The following WDR7 variants were observed in gnomAD, a reference collection of about 807,000 sequenced individuals.
The protein encoded by WDR7 is WD repeat-containing protein 7.
Under a neutral mutation model 169.4 loss-of-function variants are expected in WDR7, and 46 were observed. The ratio of observed to expected loss-of-function variants is 0.27; its 90% CI spans 0.21 to 0.35. The LOEUF (loss-of-function observed/expected upper bound fraction) is 0.35. Ranked by LOEUF, WDR7 falls within the 10% of genes least tolerant of loss-of-function variation. WDR7 has a pLI of 1.00. For missense variants in WDR7, 1,534 were observed against 1,859.3 expected (o/e 0.83, Z 3.22); for synonymous variants, 612 against 666.8 (o/e 0.92, Z 1.27).
At chr18:56,929,712 G>A (rs1015782492) in intron 22 of WDR7, among the ~76,000 whole-genome samples, 1 of 152,204 alleles carries the variant, frequency 6.6e-6, no homozygotes, top group African/African-American at 2.4e-5. Context: ...AATGGGGATG[G>A]ACTGTTCATT....
At chr18:56,813,670 G>A (rs2044914724) in intron 19 of WDR7, among the ~76,000 whole-genome samples, 1 of 151,674 alleles carries the variant, frequency 6.6e-6, no homozygotes, top group African/African-American at 2.4e-5. Context: ...TATCCTATTT[G>A]CTTTTATTTT....
At chr18:56,673,742 G>C (rs1171613024) in intron 2 of WDR7, among the ~76,000 whole-genome samples, 6 of 151,606 alleles carry the variant, frequency 4.0e-5, no homozygotes, top group African/African-American at 1.5e-4. Context: ...GGCTGAGGTG[G>C]AAAAAATCAC....
intron 13 of WDR7, among the ~76,000 whole-genome samples, chr18:56,726,637 C>G (rs545654744): frequency 6.6e-6 from 1 of 151,992 alleles, no homozygotes; most frequent in African/African-American, 2.4e-5. Context: ...AATTGAATAC[C>G]CTTTATTTCT....
intron 26 of WDR7, among the ~76,000 whole-genome samples, chr18:56,973,703 C>T (rs73444876): frequency 0.087 from 13,246 of 152,152 alleles, 1,840 homozygotes; most frequent in African/African-American, 0.3. Context: ...GTAATGAGGA[C>T]ATGACTCTGT....
intron 25 of WDR7, among the ~76,000 whole-genome samples, chr18:56,958,926 T>C (rs2047295535): frequency 6.6e-6 from 1 of 152,150 alleles, no homozygotes; most frequent in African/African-American, 2.4e-5. Flanking sequence ...TATTTATGTA[T>C]TCATGCAAAA....
In WDR7 at chr18:56,935,920, T is replaced by C. The variant is rs201068047; in HGVS notation, c.3831+15T>C. 3.6e-5 allele frequency: 58 copies of C among 1,599,976 alleles called. No homozygotes were observed. The East Asian group carries it at 1.2e-3, about 34-fold the overall frequency. On this transcript the variant is annotated intron_variant, in intron 23 of 27. Transcript: ENST00000254442. ...TAGCCAAAGAGGTGAGCGGAACTTC[T>C]CAGTGTGCTCCATCTTCTCATTTAG...
intron 7 of WDR7, among the ~76,000 whole-genome samples, chr18:56,690,536 C>T (rs964409802): frequency 5.9e-5 from 9 of 152,102 alleles, no homozygotes; most frequent in Admixed American, 3.3e-4. Context: ...GCTACTGGGC[C>T]AGGCAAGGTG....
intron 20 of WDR7, among the ~76,000 whole-genome samples, chr18:56,857,153 T>G (rs2045733227): frequency 6.6e-6 from 1 of 152,236 alleles, no homozygotes; most frequent in Non-Finnish European, 1.5e-5. Flanking sequence ...TTTCTGTGTT[T>G]TTTATACTAG....
chr18:56,830,882 T>A (rs2045296454), intron 20 of WDR7, among the ~76,000 whole-genome samples: 1 of 152,210 alleles, frequency 6.6e-6, no homozygotes. Flanking sequence ...AATTTTTATA[T>A]TTTTAGTAGA....
At chr18:57,017,046 A>G (rs1329984393) in intron 26 of WDR7, among the ~76,000 whole-genome samples, 2 of 152,194 alleles carry the variant, frequency 1.3e-5, no homozygotes, top group East Asian at 3.8e-4. Flanking sequence ...AAACCATCCA[A>G]TCCGCTCCAT....
chr18:56,723,567 T>C (rs909648843), intron 13 of WDR7, among the ~76,000 whole-genome samples: 3 of 152,156 alleles, frequency 2.0e-5, no homozygotes, highest in African/African-American at 7.2e-5. Context: ...CAGCAAGAAA[T>C]CTGTCAACCT....
intron 14 of WDR7, among the ~76,000 whole-genome samples, chr18:56,739,353 C>T (rs2043577320): frequency 6.6e-6 from 1 of 152,034 alleles, no homozygotes; most frequent in African/African-American, 2.4e-5. Flanking sequence ...CAAATTATTC[C>T]TATTAGAATT....
chr18:56,844,629 C>T (rs1255204205), intron 20 of WDR7, among the ~76,000 whole-genome samples: 1 of 152,200 alleles, frequency 6.6e-6, no homozygotes, highest in Non-Finnish European at 1.5e-5. Context: ...AGCTACCGCT[C>T]TGCAGCCATA....
chr18:56,938,805 A>ATG (rs1205661909), intron 24 of WDR7, 123 bp downstream of exon 24: 3 of 594,770 alleles, frequency 5.0e-6, no homozygotes, highest in Admixed American at 4.2e-5. Context: ...GAGAGAAAGA[A>ATG]TGAGTGTGTG....
intron 12 of WDR7, among the ~76,000 whole-genome samples, chr18:56,710,884 C>T (rs966945858): frequency 1.3e-5 from 2 of 152,004 alleles, no homozygotes; most frequent in African/African-American, 4.8e-5. Context: ...AGTATCAACC[C>T]CCAAAATGTT....
At chr18:56,689,698 C>A (rs975024575) in intron 7 of WDR7, among the ~76,000 whole-genome samples, 2 of 152,094 alleles carry the variant, frequency 1.3e-5, no homozygotes, top group Admixed American at 1.3e-4. Context: ...ATAATTCATT[C>A]GTCTGTTGTC....
intron 26 of WDR7, among the ~76,000 whole-genome samples, chr18:57,011,064 G>A (rs750194921): frequency 9.2e-5 from 14 of 151,996 alleles, no homozygotes; most frequent in Admixed American, 2.6e-4. Context: ...TATAAGCCTC[G>A]ATACCATAAA....
intron 21 of WDR7, among the ~76,000 whole-genome samples, chr18:56,915,887 C>T (rs959132989): frequency 3.9e-5 from 6 of 152,200 alleles, no homozygotes; most frequent in East Asian, 1.9e-4. Context: ...TTGCCTCTAG[C>T]GAGGGACCCT....
chr18:56,976,029 A>G (rs1162787540), intron 26 of WDR7, among the ~76,000 whole-genome samples: 1 of 152,352 alleles, frequency 6.6e-6, no homozygotes, highest in East Asian at 1.9e-4. Flanking sequence ...AAGCAACAAA[A>G]TCAGACCTTC....
Sources: gnomAD v4.1 joint callset for allele counts (sites outside exome capture counted in the v4.1 genomes callset) on GRCh38, gnomAD v4.1.1 for gene constraint, MANE v1.5 for transcripts, NCBI Gene and HGNC (gene_info 2026-07-23, HGNC 2026-07-21) for gene names.